The following CENPK variants were observed in gnomAD, a reference collection of about 807,000 sequenced individuals.
The protein encoded by CENPK is centromere protein K.
A neutral mutation model predicts 40.9 loss-of-function variants in CENPK; 46 were observed. The ratio of observed to expected loss-of-function variants is 1.13; its 90% CI spans 0.89 to 1.44. The LOEUF (loss-of-function observed/expected upper bound fraction) is 1.44. Ranked by LOEUF, CENPK falls within the 40% of genes most tolerant of loss-of-function variation. The pLI is 0.00. For missense variants in CENPK, 288 were observed against 303.5 expected (o/e 0.95, Z 0.38); for synonymous variants, 107 against 104.4 (o/e 1.02, Z -0.15).
At chr5:65,539,802 TC>T (rs1186209005) in intron 6 of CENPK, among the ~76,000 whole-genome samples, 3 of 152,196 alleles carry the variant, frequency 2.0e-5, no homozygotes, top group African/African-American at 7.2e-5. Context: ...ACCAGCCATT[TC>T]CCCTGGCTTG....
Position 65,560,145 on chromosome 5 carries a change from A to T in CENPK, c.-40+1318T>A, listed in dbSNP as rs550725820. On this transcript the variant is annotated intron_variant, in intron 2 of 10. Transcript: ENST00000396679. ...AACTAAGTAAAATCTTTACACCAAA[A>T]TTTTTTTTTTAATTCTGCATGGACA... Among the ~76,000 whole-genome samples the T allele has an allele frequency of 1.8e-3, 276 of 150,936 alleles. 1 individual carries two copies. Among genetic ancestry groups the T allele is most frequent in the African/African-American group, 6.1e-3 (253 of 41,170 alleles).
intron 9 of CENPK, among the ~76,000 whole-genome samples, chr5:65,521,767 A>G (rs1485065610): frequency 2.0e-5 from 3 of 151,984 alleles, no homozygotes; most frequent in Non-Finnish European, 1.5e-5. Flanking sequence ...TGCCTGGCTA[A>G]TTTTTGTATT....
chr5:65,506,242 G>C, the CENPK span, among the ~76,000 whole-genome samples: 4 of 151,668 alleles, frequency 2.6e-5, no homozygotes, highest in Admixed American at 2.6e-4. Flanking sequence ...AAATTAGCAT[G>C]GTGGCAGGCA....
At chr5:65,551,950 C>T (rs942095054) in intron 4 of CENPK, among the ~76,000 whole-genome samples, 2 of 151,290 alleles carry the variant, frequency 1.3e-5, no homozygotes, top group African/African-American at 2.4e-5. Flanking sequence ...AAGTTAGCCG[C>T]CTTTGTTCTA....
intron 9 of CENPK, among the ~76,000 whole-genome samples, chr5:65,523,790 T>C (rs1416031264): frequency 1.3e-5 from 2 of 152,204 alleles, no homozygotes; most frequent in African/African-American, 4.8e-5. Context: ...TTGTGAAATA[T>C]TCTTATGTTA....
the CENPK span, among the ~76,000 whole-genome samples, chr5:65,504,791 A>C: frequency 6.6e-6 from 1 of 152,114 alleles, no homozygotes; most frequent in Non-Finnish European, 1.5e-5. Context: ...ATTTTAAATA[A>C]ATTTATGTGC....
At chr5:65,501,174 GTTTTTTTTTT>G in the CENPK span, among the ~76,000 whole-genome samples, 3 of 61,676 alleles carry the variant, frequency 4.9e-5, no homozygotes, top group Non-Finnish European at 8.1e-5. Context: ...TGCTAAGTTT[GTTTTTTTTTT>G]TTTTTTTTTT....
chr5:65,499,966 G>C, the CENPK span, among the ~76,000 whole-genome samples: 1 of 85,886 alleles, frequency 1.2e-5, no homozygotes, highest in Non-Finnish European at 2.6e-5. Context: ...GTGGTTTCCA[G>C]TTTCATCCAT....
intron 6 of CENPK, among the ~76,000 whole-genome samples, chr5:65,532,434 A>T (rs1410006601): frequency 6.6e-6 from 1 of 152,182 alleles, no homozygotes; most frequent in African/African-American, 2.4e-5. Flanking sequence ...TCAAAGCCTA[A>T]CAAAGACATC....
chr5:65,542,802 C>G lies in CENPK; in HGVS notation c.288G>C (p.Glu96Asp). Residue 96 changes from glutamate (E) to aspartate (D), a missense_variant and splice_region_variant, in exon 6 of 11, where the codon GAG becomes GAC. Coordinates refer to ENST00000396679, the MANE Select transcript of CENPK (RefSeq NM_022145.5). Reference protein sequence around the residue: ...EDVLITLGKEEFQKLRQDLEM... With the variant: ...EDVLITLGKEDFQKLRQDLEM... ...ACTACAAATTCATTGAGTGGCTTAC[C>G]TCTTCTTTTCCTAATGTTATGAGAA... The G allele has an allele frequency of 6.2e-7, 1 of 1,604,572 alleles. No homozygotes were observed.
At chr5:65,521,182 C>A (rs935191458) in intron 10 of CENPK, among the ~76,000 whole-genome samples, 1 of 151,824 alleles carries the variant, frequency 6.6e-6, no homozygotes, top group Non-Finnish European at 1.5e-5. Flanking sequence ...AATTTTTTCA[C>A]CCTGTCAGCT....
chr5:65,518,660 A>C, intron 10 of CENPK, 27 bp from the exon 11 acceptor site: 1 of 1,481,338 alleles, frequency 6.8e-7, no homozygotes, highest in Non-Finnish European at 9.2e-7. Flanking sequence ...TTCAAAATAT[A>C]CTTTACTTGG....
intron 9 of CENPK, among the ~76,000 whole-genome samples, chr5:65,526,735 G>A (rs1392311323): frequency 6.6e-6 from 1 of 152,106 alleles, no homozygotes; most frequent in Non-Finnish European, 1.5e-5. Context: ...GAGGCGGGAG[G>A]ATAGCTTCAA....
chr5:65,552,734 A>T (rs530698802), intron 3 of CENPK, among the ~76,000 whole-genome samples, 185 bp from the exon 4 acceptor site: 1 of 152,172 alleles, frequency 6.6e-6, no homozygotes, highest in Admixed American at 6.5e-5. Flanking sequence ...CCCAAGGTGA[A>T]TACATCACAA....
intron 5 of CENPK, among the ~76,000 whole-genome samples, chr5:65,547,708 A>C (rs1749260046): frequency 6.6e-6 from 1 of 151,962 alleles, no homozygotes; most frequent in Non-Finnish European, 1.5e-5. Context: ...CCTGTTGCCC[A>C]GGCAGGAGTG....
chr5:65,546,418 G>C (rs1241745216), intron 5 of CENPK, among the ~76,000 whole-genome samples: 1 of 152,182 alleles, frequency 6.6e-6, no homozygotes, highest in Non-Finnish European at 1.5e-5. Context: ...AAACAGAAAA[G>C]GTCAGTTCAT....
At chr5:65,546,031 T>A (rs578205564) in intron 5 of CENPK, among the ~76,000 whole-genome samples, 5 of 152,376 alleles carry the variant, frequency 3.3e-5, no homozygotes, top group African/African-American at 1.2e-4. Flanking sequence ...ATGTATTTTT[T>A]AACTTTTCTT....
chr5:65,547,034 T>C (rs1749123295), intron 5 of CENPK, among the ~76,000 whole-genome samples: 2 of 152,044 alleles, frequency 1.3e-5, no homozygotes, highest in Admixed American at 1.3e-4. Flanking sequence ...ATATAACACA[T>C]AAAAACAGGA....
intron 3 of CENPK, 130 bp from the exon 4 acceptor site, chr5:65,552,679 T>C (rs1750301083): frequency 1.2e-5 from 6 of 486,874 alleles, no homozygotes; most frequent in South Asian, 3.8e-5. Context: ...GAAGAGTTTA[T>C]TGAAATTCCT....
Sources: gnomAD v4.1 joint callset for allele counts (sites outside exome capture counted in the v4.1 genomes callset) on GRCh38, gnomAD v4.1.1 for gene constraint, MANE v1.5 for transcripts, NCBI Gene and HGNC (gene_info 2026-07-23, HGNC 2026-07-21) for gene names.